Variants in PTPRN2 observed in about 807,000 individuals in gnomAD.
PTPRN2 encodes receptor-type tyrosine-protein phosphatase N2.
In PTPRN2, 74 loss-of-function variants were observed where a neutral mutation model predicts 118.8. That is an observed-to-expected ratio of 0.62 (90% confidence interval 0.52 to 0.76). The LOEUF (loss-of-function observed/expected upper bound fraction) is 0.76. PTPRN2 is among the 30% of genes least tolerant of loss of function. The probability of loss-of-function intolerance (pLI) is 0.00; values close to 1 mark genes in which losing one functional copy is unlikely to be tolerated. For synonymous variants in PTPRN2, 641 were observed against 608.0 expected (o/e 1.05, Z -0.80); for missense variants, 1,481 against 1,394.4 (o/e 1.06, Z -0.99).
intron 6 of PTPRN2, among the ~76,000 whole-genome samples, chr7:158,150,683 A>G (rs1206392415): frequency 6.6e-6 from 1 of 152,044 alleles, no homozygotes; most frequent in African/African-American, 2.4e-5. Context: ...CACTGAGGTG[A>G]GATCTGTCAT....
In PTPRN2 at chr7:158,273,552, ACAG is replaced by A. The variant is rs2150973458; in HGVS notation, c.277+43264_277+43266del. Among the ~76,000 whole-genome samples, 6 of 111,984 alleles carry A rather than the reference ACAG, an allele frequency of 5.4e-5. 1 individual carries two copies. Among genetic ancestry groups the A allele is most frequent in the African/African-American group, 2.5e-4 (6 of 24,222 alleles). The allele number at this position is 111,984 out of a possible 152,430, so 73.5% of individuals were successfully genotyped here. A position where few individuals can be genotyped will look rare whatever the true frequency, so the allele number is the denominator to read the frequency against. On this transcript the variant is annotated intron_variant, in intron 3 of 22. Transcript: ENST00000389418. ...GCCGCAGACACGGGGAGCCGCAGAC[ACAG>A]GGGGAGCCGCAGGCACAGGGGGAGC...
intron 3 of PTPRN2, among the ~76,000 whole-genome samples, chr7:158,239,111 G>A (rs563323127): frequency 1.3e-4 from 20 of 152,292 alleles, no homozygotes; most frequent in Non-Finnish European, 2.8e-4. Flanking sequence ...CCGGGGTGGG[G>A]GCCACCACCA....
Position 157,893,079 on chromosome 7 carries a change from A to T in PTPRN2, c.1788+5594T>A, listed in dbSNP as rs948733960. The stretch of plus-strand genomic sequence containing the variant: ...ACGTGGAGAAGGATAATGCTCCAGG[A>T]GCTGGTCTCCAGCATTTGGTGGAAC... On this transcript the variant is annotated intron_variant, in intron 12 of 22. Transcript: ENST00000389418. The surrounding 1 kb of genome is among the most constrained non-coding windows in gnomAD (Gnocchi z 4.0). 6.6e-6 allele frequency among the ~76,000 whole-genome samples: 1 copy of T among 152,254 alleles called. No homozygotes were observed. The highest frequency in any genetic ancestry group is 6.5e-5 in the Admixed American group (1 of 15,286).
At chr7:157,960,279 T>G (rs1370457854) in intron 11 of PTPRN2, among the ~76,000 whole-genome samples, 1 of 152,232 alleles carries the variant, frequency 6.6e-6, no homozygotes, top group Non-Finnish European at 1.5e-5. Context: ...ACACTGTGAA[T>G]GTACTTAATG....
At chr7:157,993,467 C>A (rs533465376) in intron 11 of PTPRN2, among the ~76,000 whole-genome samples, 1 of 152,018 alleles carries the variant, frequency 6.6e-6, no homozygotes, top group South Asian at 2.1e-4. Context: ...TTCCATGACG[C>A]GTCCACCCAG....
intron 11 of PTPRN2, among the ~76,000 whole-genome samples, chr7:158,071,712 CTGG>C (rs1300640640): frequency 5.7e-4 from 27 of 47,172 alleles, no homozygotes; most frequent in African/African-American, 1.6e-3. Flanking sequence ...GGAGGTGCTC[CTGG>C]TGGTGGAGGT....
At chr7:157,726,369 G>C (rs1389294826) in intron 12 of PTPRN2, among the ~76,000 whole-genome samples, 1 of 149,726 alleles carries the variant, frequency 6.7e-6, no homozygotes, top group Non-Finnish European at 1.5e-5. Context: ...CAGGAGAACT[G>C]GATATCCACA....
At chr7:158,322,998 T>A (rs1029564380) in intron 2 of PTPRN2, among the ~76,000 whole-genome samples, 1 of 152,068 alleles carries the variant, frequency 6.6e-6, no homozygotes, top group Non-Finnish European at 1.5e-5. Flanking sequence ...ACAACACACA[T>A]CCCTCTGCCG....
rs1392041984 is a variant in PTPRN2 at position 157,591,483 on chromosome 7, T to A, written c.2496+3755A>T. On this transcript the variant is annotated intron_variant, in intron 17 of 22. Coordinates refer to ENST00000389418, the MANE Select transcript of PTPRN2 (RefSeq NM_002847.5). This position sits in a 1 kb window ranked among gnomAD's most constrained non-coding sequence, Gnocchi z 4.4. ...CCAACTCAGCCTGTTGACTTCGTCA[T>A]CACCAACTTCGCATTTCAAATCCAC... Among the ~76,000 whole-genome samples, 1 of 152,248 alleles carries A rather than the reference T, an allele frequency of 6.6e-6. No homozygotes were observed. The highest frequency in any genetic ancestry group is 2.4e-5 in the African/African-American group (1 of 41,472).
intron 13 of PTPRN2, among the ~76,000 whole-genome samples, chr7:157,661,412 C>T (rs974438314): frequency 7.2e-5 from 11 of 152,260 alleles, no homozygotes; most frequent in African/African-American, 2.2e-4. Flanking sequence ...AGGCAACGCG[C>T]GGCCGGGGAC....
At chr7:158,445,429 G>A (rs1817652543) in intron 2 of PTPRN2, among the ~76,000 whole-genome samples, 2 of 152,178 alleles carry the variant, frequency 1.3e-5, no homozygotes, top group African/African-American at 4.8e-5. Context: ...TCCATCGCAG[G>A]TGGTGCCGTC....
chr7:158,351,208 C>T (rs1362443121), intron 2 of PTPRN2, among the ~76,000 whole-genome samples: 1 of 152,164 alleles, frequency 6.6e-6, no homozygotes, highest in Non-Finnish European at 1.5e-5. Flanking sequence ...GCTACCACCT[C>T]CACCCACCCC....
rs895041525 is a variant in PTPRN2 at position 157,845,524 on chromosome 7, G to A, written c.1788+53149C>T. ...ACGCAGCCTAACTCAGCATGTTCCC[G>A]GCCACATCCCGGTGAACCATGCAGC... On this transcript the variant is annotated intron_variant, in intron 12 of 22. Transcript: ENST00000389418. The surrounding 1 kb of genome is among the most constrained non-coding windows in gnomAD (Gnocchi z 4.5). Among the ~76,000 whole-genome samples the A allele has an allele frequency of 1.9e-4, 29 of 151,928 alleles. No homozygotes were observed. The highest frequency in any genetic ancestry group is 6.0e-4 in the African/African-American group (25 of 41,360).
At position 158,269,834 on chromosome 7, in the gene PTPRN2, G is replaced by A. The variant is rs530344918; in HGVS notation, c.277+46985C>T. Among the ~76,000 whole-genome samples the A allele has an allele frequency of 1.1e-4, 16 of 151,358 alleles. No homozygotes were observed. The South Asian group carries it at 3.4e-3, about 32-fold the overall frequency. The stretch of plus-strand genomic sequence containing the variant: ...GAGACAGAGATAGAAAGAGACAGAG[G>A]GATAGGGAGTCGGAGACACAGAGAC... On this transcript the variant is annotated intron_variant, in intron 3 of 22. Transcript: ENST00000389418.
chr7:158,118,445 TC>T (rs1563459105), intron 9 of PTPRN2, among the ~76,000 whole-genome samples: 3 of 152,120 alleles, frequency 2.0e-5, no homozygotes, highest in African/African-American at 7.2e-5. Flanking sequence ...TTTTTAAAAA[TC>T]TACTAAACAC....
At position 157,944,198 on chromosome 7, in the gene PTPRN2, C is replaced by A. The variant is rs1800323825; in HGVS notation, c.1724-45461G>T. Among the ~76,000 whole-genome samples the A allele has an allele frequency of 6.6e-6, 1 of 152,180 alleles. No individual in the cohort carries two copies. The highest frequency in any genetic ancestry group is 2.1e-4 in the South Asian group (1 of 4,828). On this transcript the variant is annotated intron_variant, in intron 11 of 22. Transcript: ENST00000389418. The surrounding 1 kb of genome is among the most constrained non-coding windows in gnomAD (Gnocchi z 4.3). ...AGGAAGGCGGAACTCTCTTTCCTTG[C>A]CACAGAAAAGGATTCTAACGGCATT...
At chr7:158,521,526 C>T (rs10259438) in intron 1 of PTPRN2, among the ~76,000 whole-genome samples, 10,377 of 61,142 alleles carry the variant, frequency 0.17, 1,922 homozygotes, top group East Asian at 0.41. Context: ...GGTGCTGGCT[C>T]AGGAGGAAGG....
intron 3 of PTPRN2, among the ~76,000 whole-genome samples, chr7:158,208,911 A>T (rs1185060598): frequency 6.6e-6 from 1 of 152,150 alleles, no homozygotes; most frequent in Admixed American, 6.5e-5. Flanking sequence ...GCTAAAGTGT[A>T]GAGTTTTTAT....
At chr7:158,494,491 G>A (rs1821686459) in intron 1 of PTPRN2, among the ~76,000 whole-genome samples, 1 of 152,238 alleles carries the variant, frequency 6.6e-6, no homozygotes, top group Non-Finnish European at 1.5e-5. Context: ...AACCAAAGAG[G>A]GAGGAGGGGA....
Sources: allele counts gnomAD v4.1 joint callset (sites outside exome capture counted in the v4.1 genomes callset), GRCh38; gene constraint gnomAD v4.1.1; non-coding constraint Gnocchi (gnomAD v3.1); transcripts MANE v1.5; gene names NCBI Gene and HGNC (gene_info 2026-07-23, HGNC 2026-07-21).